EIF5B: variants seen among roughly 807,000 people sequenced by gnomAD.
EIF5B encodes the protein eukaryotic translation initiation factor 5B, also known as eIF-5B.
In EIF5B, 47 loss-of-function variants were observed where a neutral mutation model predicts 147.5. That is an observed-to-expected ratio of 0.32 (90% CI 0.25 to 0.41). The LOEUF (loss-of-function observed/expected upper bound fraction) is 0.41. EIF5B is among the 10% of genes least tolerant of loss of function. EIF5B has a pLI of 1.00. For synonymous variants in EIF5B, 455 were observed against 456.2 expected, an observed-to-expected ratio of 1.00 and a Z score of 0.03; for missense variants, 1,064 against 1,413.2, an observed-to-expected ratio of 0.75 and a Z score of 3.96.
At position 99,379,052 on chromosome 2, in the gene EIF5B, A is replaced by C. The variant is rs1674636139; in HGVS notation, c.1876A>C (p.Thr626Pro). Residue 626 changes from threonine (T) to proline (P), a missense_variant, in exon 11 of 24, where the codon ACC becomes CCC. Coordinates refer to ENST00000289371, the MANE Select transcript of EIF5B (RefSeq NM_015904.4). The part of the protein sequence containing the change: ...RRLEHSKNVN[T>P]EKLRAPIICV... ...ACTTGAACATAGTAAAAATGTAAAC[A>C]CCGAAAAGCTAAGAGCCCCTATTAT... The C allele has an allele frequency of 6.3e-7, 1 of 1,586,042 alleles. No homozygotes were observed. Among genetic ancestry groups the C allele is most frequent in the African/African-American group, 1.4e-5 (1 of 73,578 alleles).
At chr2:99,377,248 T>C (rs998601816) in intron 10 of EIF5B, among the ~76,000 whole-genome samples, 1 of 152,072 alleles carries the variant, frequency 6.6e-6, no homozygotes, top group Non-Finnish European at 1.5e-5. Flanking sequence ...GTATTATTAA[T>C]TTTTTAATTT....
rs55838357 is a variant in EIF5B, at chr2:99,367,877, A to G, written c.1289-616A>G. ...TATGTTTCATCATTCACACTACAAAATATTTGCCCAAGAGAAATGTTCACA... is the reference window on the plus strand; with the variant it reads ...TATGTTTCATCATTCACACTACAAAGTATTTGCCCAAGAGAAATGTTCACA... On this transcript the variant is annotated intron_variant, in intron 6 of 23. Coordinates refer to ENST00000289371, the MANE Select transcript of EIF5B (RefSeq NM_015904.4). Among the ~76,000 whole-genome samples, 1,500 of 152,330 alleles carry G rather than the reference A, an allele frequency of 9.8e-3. 9 individuals carry two copies. Among genetic ancestry groups the G allele is most frequent in the Non-Finnish European group, 0.014 (959 of 68,030 alleles).
intron 1 of EIF5B, chr2:99,338,240 A>G (rs990376880): frequency 8.9e-7 from 1 of 1,118,382 alleles, no homozygotes; most frequent in African/African-American, 1.6e-5. Context: ...GAAGAAACCA[A>G]CCAACCGAGG....
At chr2:99,348,194 T>C (rs2094277292) in intron 1 of EIF5B, among the ~76,000 whole-genome samples, 1 of 152,238 alleles carries the variant, frequency 6.6e-6, no homozygotes. Flanking sequence ...ACACATACCC[T>C]TTGCATTGCA....
chr2:99,381,073 T>C (rs1674676878), intron 12 of EIF5B, among the ~76,000 whole-genome samples: 1 of 152,212 alleles, frequency 6.6e-6, no homozygotes, highest in African/African-American at 2.4e-5. Context: ...TTTCCAGTTA[T>C]GTGGTGTTCT....
At chr2:99,377,311 G>A (rs773499034) in intron 10 of EIF5B, among the ~76,000 whole-genome samples, 3 of 151,470 alleles carry the variant, frequency 2.0e-5, no homozygotes, top group African/African-American at 7.3e-5. Flanking sequence ...TAAAGTCTAG[G>A]TATGGATAAA....
At chr2:99,349,266 GTTGGTAAAAAGGAGT>G (rs1446780065) in intron 1 of EIF5B, among the ~76,000 whole-genome samples, 43 of 152,320 alleles carry the variant, frequency 2.8e-4, no homozygotes, top group Admixed American at 5.9e-4. Flanking sequence ...GAGAAGAGAG[GTTGGTAAAAAGGAGT>G]CTTAGACATC....
At chr2:99,385,495 C>T (rs1253022123) in intron 14 of EIF5B, among the ~76,000 whole-genome samples, 3 of 152,198 alleles carry the variant, frequency 2.0e-5, no homozygotes, top group Non-Finnish European at 4.4e-5. Context: ...GACCCTCTAC[C>T]AGCAAAAAGA....
At chr2:99,356,760 T>C (rs893780463) in intron 1 of EIF5B, among the ~76,000 whole-genome samples, 5 of 152,178 alleles carry the variant, frequency 3.3e-5, no homozygotes, top group Admixed American at 6.5e-5. Flanking sequence ...GAATCAGCCA[T>C]TTTGCTTTCT....
intron 1 of EIF5B, among the ~76,000 whole-genome samples, chr2:99,339,609 G>A (rs953018902): frequency 4.6e-5 from 7 of 151,912 alleles, no homozygotes; most frequent in Non-Finnish European, 8.8e-5. Flanking sequence ...TGAACTCCTG[G>A]CCAGTGATCC....
At chr2:99,378,995 A>ATTTTTTTTTTTTTTTTT in intron 10 of EIF5B, 24 bp from the exon 11 acceptor site, 1 of 1,271,960 alleles carries the variant, frequency 7.9e-7, no homozygotes. Context: ...TTAATTTTTG[A>ATTTTTTTTTTTTTTTTT]TTTTTTTTTT....
chr2:99,352,049 ATG>A (rs1673977582), intron 1 of EIF5B, among the ~76,000 whole-genome samples: 1 of 151,966 alleles, frequency 6.6e-6, no homozygotes, highest in African/African-American at 2.4e-5. Context: ...ACATCTTGTC[ATG>A]TGTTTGTCAT....
At chr2:99,392,213 T>C (rs1256367307) in intron 17 of EIF5B, among the ~76,000 whole-genome samples, 1 of 152,112 alleles carries the variant, frequency 6.6e-6, no homozygotes, top group African/African-American at 2.4e-5. Flanking sequence ...AGGCTGGGAT[T>C]ACAGGTGCAC....
At chr2:99,362,211 G>T (rs995512852) in intron 4 of EIF5B, among the ~76,000 whole-genome samples, 12 of 152,090 alleles carry the variant, frequency 7.9e-5, no homozygotes, top group Non-Finnish European at 1.2e-4. Context: ...AATTCACAAA[G>T]AAATGTTTTC....
intron 14 of EIF5B, among the ~76,000 whole-genome samples, chr2:99,384,625 A>C (rs1674762156): frequency 6.6e-6 from 1 of 152,260 alleles, no homozygotes; most frequent in Admixed American, 6.5e-5. Flanking sequence ...TTCATGATCC[A>C]TAAGAGGACA....
chr2:99,389,317 T>G (rs1471498707), intron 14 of EIF5B, among the ~76,000 whole-genome samples: 1 of 152,210 alleles, frequency 6.6e-6, no homozygotes, highest in Non-Finnish European at 1.5e-5. Flanking sequence ...AATAGGCTGT[T>G]CCCTTAGAAA....
Position 99,368,487 on chromosome 2 carries a change from C to T in EIF5B, c.1289-6C>T. 2 of 1,609,760 alleles carry T rather than the reference C, an allele frequency of 1.2e-6. No individual in the cohort carries two copies. The highest frequency in any genetic ancestry group is 1.7e-6 in the Non-Finnish European group (2 of 1,176,918). On this transcript the variant is annotated splice_polypyrimidine_tract_variant and splice_region_variant and intron_variant, in intron 6 of 23. Coordinates refer to ENST00000289371, the MANE Select transcript of EIF5B (RefSeq NM_015904.4). Reference sequence around the variant, plus strand: ...AAGCCTGAAGTTTTTCATTTTTATCCCTCAGGTGTTGAAGTGCCATCAAAA... The same window carrying T: ...AAGCCTGAAGTTTTTCATTTTTATCTCTCAGGTGTTGAAGTGCCATCAAAA...
At chr2:99,349,941 T>A (rs1355437169) in intron 1 of EIF5B, among the ~76,000 whole-genome samples, 2 of 152,200 alleles carry the variant, frequency 1.3e-5, no homozygotes, top group African/African-American at 4.8e-5. Context: ...CCTCATTCCC[T>A]CTCCTTCCTA....
chr2:99,379,754 T>C (rs1440801317), intron 12 of EIF5B, among the ~76,000 whole-genome samples: 2 of 152,196 alleles, frequency 1.3e-5, no homozygotes, highest in Admixed American at 6.5e-5. Context: ...CTCTACTCTT[T>C]TCCCCTTCTA....
Sources: gnomAD v4.1 joint callset for allele counts (sites outside exome capture counted in the v4.1 genomes callset) on GRCh38, gnomAD v4.1.1 for gene constraint, MANE v1.5 for transcripts, NCBI Gene and HGNC (gene_info 2026-07-23, HGNC 2026-07-21) for gene names.